Variants in EPSTI1 observed in about 807,000 individuals in gnomAD.
The protein encoded by EPSTI1 is epithelial stromal interaction 1, also known as epithelial-stromal interaction protein 1.
A neutral mutation model predicts 49.9 loss-of-function variants in EPSTI1; 66 were observed. That is an observed-to-expected ratio of 1.32 (90% CI 1.08 to 1.62). The LOEUF (loss-of-function observed/expected upper bound fraction) is 1.62. Ranked by LOEUF, EPSTI1 falls within the 40% of genes most tolerant of loss-of-function variation. The pLI is 0.00. For synonymous variants in EPSTI1, 137 were observed against 130.7 expected (o/e 1.05, Z -0.33); for missense variants, 394 against 365.5 (o/e 1.08, Z -0.64).
At chr13:42,930,887 G>A (rs1460325586) in intron 6 of EPSTI1, among the ~76,000 whole-genome samples, 1 of 152,118 alleles carries the variant, frequency 6.6e-6, no homozygotes, top group Admixed American at 6.5e-5. Context: ...GGTTTACTTT[G>A]GGGGAGGATA....
intron 1 of EPSTI1, among the ~76,000 whole-genome samples, chr13:42,980,601 A>G (rs1344467094): frequency 2.0e-5 from 3 of 152,024 alleles, no homozygotes; most frequent in Non-Finnish European, 4.4e-5. Context: ...TAATTCAATT[A>G]CCTCCCATGG....
chr13:42,970,446 ATAG>A (rs1594750403), intron 2 of EPSTI1, 163 bp downstream of exon 2: 2 of 510,010 alleles, frequency 3.9e-6, no homozygotes, highest in South Asian at 6.7e-5. Context: ...AGAAGTGTTA[ATAG>A]TAGAATATTT....
rs186937382 is a variant in EPSTI1, at chr13:42,910,536, G to A, written c.741+7005C>T. ...CCCAAAGTTCTGGGATTACAGAAGT[G>A]AGCCACCGCGCCTGGTCCAACTCTC... On this transcript the variant is annotated intron_variant, in intron 8 of 10. Coordinates refer to ENST00000313624, the MANE Select transcript of EPSTI1 (RefSeq NM_033255.5). 5.3e-5 allele frequency among the ~76,000 whole-genome samples: 8 copies of A among 152,170 alleles called. No individual in the cohort carries two copies. The East Asian group carries it at 1.2e-3, about 22-fold the overall frequency.
intron 7 of EPSTI1, chr13:42,919,309 A>G: frequency 1.9e-6 from 3 of 1,613,740 alleles, no homozygotes; most frequent in Non-Finnish European, 2.5e-6. Flanking sequence ...CCCAGCTGTG[A>G]TCCCTAGGCA....
At chr13:42,957,935 C>A (rs748708696) in intron 5 of EPSTI1, among the ~76,000 whole-genome samples, 27 of 152,174 alleles carry the variant, frequency 1.8e-4, no homozygotes, top group Non-Finnish European at 3.5e-4. Flanking sequence ...TTACTGGGAT[C>A]TTTTCTTTCT....
chr13:42,982,482 T>C (rs906266174), intron 1 of EPSTI1, among the ~76,000 whole-genome samples: 3 of 152,232 alleles, frequency 2.0e-5, no homozygotes, highest in East Asian at 1.9e-4. Flanking sequence ...CTTTGCTCTA[T>C]AGACTTGCCC....
intron 9 of EPSTI1, among the ~76,000 whole-genome samples, chr13:42,898,768 T>C (rs140014301): frequency 6.6e-6 from 1 of 152,360 alleles, no homozygotes; most frequent in African/African-American, 2.4e-5. Flanking sequence ...CCTATTAATG[T>C]GACACATCAC....
At chr13:42,917,454 T>G in intron 8 of EPSTI1, 87 bp downstream of exon 8, 3 of 1,125,406 alleles carry the variant, frequency 2.7e-6, no homozygotes, top group Non-Finnish European at 4.0e-6. Context: ...TTTTCATGTG[T>G]CTAAATATTT....
chr13:42,907,775 C>G lies in EPSTI1; in HGVS notation c.742-7392G>C, dbSNP rs188796309. Among the ~76,000 whole-genome samples, 257 of 152,314 alleles carry G rather than the reference C, an allele frequency of 1.7e-3. 1 individual carries two copies. Among genetic ancestry groups the G allele is most frequent in the African/African-American group, 5.7e-3 (236 of 41,578 alleles). On this transcript the variant is annotated intron_variant, in intron 8 of 10. Transcript: ENST00000313624. Reference sequence around the variant, plus strand: ...TATTACTAGAATTTCATTAAACTTACAAGTAAACTTGGATAGAACTATAGT... The same window carrying G: ...TATTACTAGAATTTCATTAAACTTAGAAGTAAACTTGGATAGAACTATAGT...
chr13:42,966,463 T>C (rs1434178613), intron 3 of EPSTI1, among the ~76,000 whole-genome samples: 4 of 31,676 alleles, frequency 1.3e-4, no homozygotes, highest in Admixed American at 4.0e-4. Flanking sequence ...GGAGCGCCTC[T>C]GCCCGGCCGA....
At chr13:42,892,985 C>T (rs191821249) in intron 10 of EPSTI1, among the ~76,000 whole-genome samples, 3 of 151,982 alleles carry the variant, frequency 2.0e-5, no homozygotes, top group Non-Finnish European at 2.9e-5. Context: ...CAAAGAATGG[C>T]GATCAGTCAA....
chr13:42,936,940 G>A (rs1444832973), intron 6 of EPSTI1, among the ~76,000 whole-genome samples: 2 of 152,158 alleles, frequency 1.3e-5, no homozygotes, highest in Non-Finnish European at 2.9e-5. Flanking sequence ...AAACTTGGGA[G>A]TCATCCTTGA....
chr13:42,979,759 A>G (rs978136192), intron 1 of EPSTI1, among the ~76,000 whole-genome samples: 2 of 152,166 alleles, frequency 1.3e-5, no homozygotes, highest in Non-Finnish European at 2.9e-5. Flanking sequence ...GTCATAACAC[A>G]TCATCCCTAA....
At chr13:42,950,753 A>T (rs922611270) in intron 6 of EPSTI1, among the ~76,000 whole-genome samples, 19 of 152,174 alleles carry the variant, frequency 1.2e-4, no homozygotes, top group African/African-American at 4.3e-4. Context: ...AGAATTTCTT[A>T]TGTACGTTTC....
In EPSTI1 at chr13:42,969,299, A is replaced by C. The variant is rs533680074; in HGVS notation, c.248-122T>G. On this transcript the variant is annotated intron_variant, in intron 2 of 10. Transcript: ENST00000313624. ...AACTATATGTGAGCATGAGTGAACAAGGCTTCCAGGTTAGAAACACAATAT... is the reference window on the plus strand; with the variant it reads ...AACTATATGTGAGCATGAGTGAACACGGCTTCCAGGTTAGAAACACAATAT... 6.4e-6 allele frequency: 6 copies of C among 930,744 alleles called. No individual in the cohort carries two copies. The South Asian group carries it at 9.4e-5, about 15-fold the overall frequency. 57.7% of individuals were successfully genotyped at this position (930,744 alleles called of 1,614,324 possible). A position where few individuals can be genotyped will look rare whatever the true frequency, so the allele number is the denominator to read the frequency against.
intron 7 of EPSTI1, among the ~76,000 whole-genome samples, chr13:42,921,803 C>T (rs78409769): frequency 3.6e-4 from 54 of 151,746 alleles, no homozygotes; most frequent in Admixed American, 1.8e-3. Context: ...AACAGCTGTG[C>T]GCCAGGCTTA....
chr13:42,980,562 G>A (rs1163841829), intron 1 of EPSTI1, among the ~76,000 whole-genome samples: 5 of 152,156 alleles, frequency 3.3e-5, no homozygotes, highest in Admixed American at 1.3e-4. Flanking sequence ...ACTCACTTTC[G>A]AGAACAGCAC....
At position 42,917,640 on chromosome 13, in the gene EPSTI1, G is replaced by GAC; in HGVS notation, c.658-17_658-16insGT. The GAC allele has an allele frequency of 2.6e-3, 386 of 149,244 alleles. No individual in the cohort carries two copies. Among genetic ancestry groups the GAC allele is most frequent in the Non-Finnish European group, 3.8e-3 (354 of 92,486 alleles). 9.2% of individuals were successfully genotyped at this position (149,244 alleles called of 1,614,324 possible). On this transcript the variant is annotated splice_polypyrimidine_tract_variant and intron_variant, in intron 7 of 10. Transcript: ENST00000313624. ...AGCTTCTGGCCTGTAAAGGTACAAA[G>GAC]AGAAAAAAAAAAAAAAAAACAACTT...
intron 1 of EPSTI1, among the ~76,000 whole-genome samples, chr13:42,989,370 G>C (rs1489426194): frequency 6.6e-6 from 1 of 152,096 alleles, no homozygotes; most frequent in Non-Finnish European, 1.5e-5. Context: ...CAAAGAGCAA[G>C]TGATGGCATA....
Sources: allele counts gnomAD v4.1 joint callset (sites outside exome capture counted in the v4.1 genomes callset), GRCh38; gene constraint gnomAD v4.1.1; transcripts MANE v1.5; gene names NCBI Gene and HGNC (gene_info 2026-07-23, HGNC 2026-07-21).